CLCA2: variants seen among roughly 807,000 people sequenced by gnomAD.
CLCA2 encodes calcium-activated chloride channel regulator 2.
A neutral mutation model predicts 82.9 loss-of-function variants in CLCA2; 85 were observed. The observed-to-expected ratio is 1.03, with a 90% CI of 0.86 to 1.23. The LOEUF is 1.23. CLCA2 is among the 50% of genes most tolerant of loss of function. The probability of loss-of-function intolerance (pLI) is 0.00; values close to 1 mark genes in which losing one functional copy is unlikely to be tolerated. For synonymous variants in CLCA2, 421 were observed against 391.7 expected (o/e 1.07, Z -0.88); for missense variants, 1,089 against 1,124.8 (o/e 0.97, Z 0.45).
At position 86,438,599 on chromosome 1, in the gene CLCA2, G is replaced by A. The variant is rs953340472; in HGVS notation, c.973-277G>A. ...GAATCTTTGAATTCTAAGTTGGAGT[G>A]AAATAGTGGGGATGATGAGAAACAG... On this transcript the variant is annotated intron_variant, in intron 6 of 13. Transcript: ENST00000370565. 7.9e-5 allele frequency among the ~76,000 whole-genome samples: 12 copies of A among 152,252 alleles called. No homozygotes were observed. In the East Asian group the frequency reaches 2.3e-3, roughly 30 times the overall value.
intron 8 of CLCA2, among the ~76,000 whole-genome samples, chr1:86,440,578 A>T (rs1209986333): frequency 6.6e-6 from 1 of 152,090 alleles, no homozygotes; most frequent in Non-Finnish European, 1.5e-5. Context: ...AGCATGCATA[A>T]TCATGGAGCT....
In CLCA2 at chr1:86,434,595, T is replaced by G. The variant is rs758795639; in HGVS notation, c.822T>G (p.Ser274Arg). 6 of 1,614,062 alleles carry G rather than the reference T, an allele frequency of 3.7e-6. No individual in the cohort carries two copies. Among genetic ancestry groups the G allele is most frequent in the Non-Finnish European group, 4.2e-6 (5 of 1,179,986 alleles). ...AGAACCAGATGTGCAGCCTCAGAAG[T>G]GCATGGGATGTAATCACAGACTCTG... is the stretch of plus-strand genomic sequence containing the variant. The part of the protein sequence containing the change: ...NLQNQMCSLR[S>R]AWDVITDSAD... Residue 274 changes from serine to arginine, a missense_variant, in exon 6 of 14, where the codon AGT (serine) becomes AGG (arginine). Transcript: ENST00000370565.
chr1:86,447,913 C>T, intron 11 of CLCA2, 135 bp downstream of exon 11: 1 of 894,514 alleles, frequency 1.1e-6, no homozygotes, highest in Non-Finnish European at 1.7e-6. Context: ...TTCTCAAATT[C>T]TTATAGAGTC....
At chr1:86,445,115 C>T (rs987108732) in intron 10 of CLCA2, among the ~76,000 whole-genome samples, 5 of 152,076 alleles carry the variant, frequency 3.3e-5, no homozygotes, top group South Asian at 4.2e-4. Context: ...CCAGGCTGTT[C>T]TCAAACTCCT....
chr1:86,424,275 A>G lies in CLCA2; in HGVS notation c.28A>G (p.Ile10Val). Reference sequence around the variant, plus strand: ...GACCCAAAGGAGCATTGCAGGTCCTATTTGCAACCTGAAGTTTGTGACTCT... The same window carrying G: ...GACCCAAAGGAGCATTGCAGGTCCTGTTTGCAACCTGAAGTTTGTGACTCT... MTQRSIAGP[I>V]CNLKFVTLLV... Residue 10 changes from isoleucine (I) to valine (V), a missense_variant, in exon 1 of 14, where the codon ATT becomes GTT. Transcript: ENST00000370565. The G allele has an allele frequency of 4.3e-6, 7 of 1,613,598 alleles. No homozygotes were observed. The highest frequency in any genetic ancestry group is 5.9e-6 in the Non-Finnish European group (7 of 1,179,812).
In CLCA2 at chr1:86,432,375, A is replaced by T; in HGVS notation, c.591A>T (p.Ser197=). 6.2e-7 allele frequency: 1 copy of T among 1,613,574 alleles called. No individual in the cohort carries two copies. The highest frequency in any genetic ancestry group is 2.2e-5 in the East Asian group (1 of 44,866). ...TTTCTCTTTCCATTTTTAGGTGTTC[A>T]TCTGACATCACAGGCATTTTTGTGT... ...GQNQIKVTRC[S]SDITGIFVCE... The change falls in exon 5 of 14, where the codon TCA becomes TCT. Residue 197 remains serine (S), a synonymous_variant. Transcript: ENST00000370565.
chr1:86,453,639 G>C (rs1663019103), intron 13 of CLCA2, 37 bp downstream of exon 13: 1 of 1,559,298 alleles, frequency 6.4e-7, no homozygotes, highest in Non-Finnish European at 8.8e-7. Flanking sequence ...TTTTCCATAA[G>C]ACAGCATTTC....
chr1:86,436,337 A>G (rs1349700904), intron 6 of CLCA2, among the ~76,000 whole-genome samples: 2 of 152,230 alleles, frequency 1.3e-5, no homozygotes, highest in African/African-American at 4.8e-5. Flanking sequence ...GCTACGAATC[A>G]GGCCTGCCTG....
intron 11 of CLCA2, among the ~76,000 whole-genome samples, chr1:86,449,616 G>T (rs1016834460): frequency 6.6e-6 from 1 of 152,148 alleles, no homozygotes; most frequent in Non-Finnish European, 1.5e-5. Flanking sequence ...CTTTTCTTAT[G>T]TTAAGGAGCC....
chr1:86,436,725 T>G (rs1230969723), intron 6 of CLCA2, among the ~76,000 whole-genome samples: 6 of 152,164 alleles, frequency 3.9e-5, no homozygotes, highest in Admixed American at 1.3e-4. Context: ...TTTTGGTTTT[T>G]TTTTTGAGAT....
chr1:86,424,434 G>A lies in CLCA2; in HGVS notation c.186+1G>A, dbSNP rs1662348886. On this transcript the variant is annotated splice_donor_variant, in intron 1 of 13. Transcript: ENST00000370565. LOFTEE classifies it high-confidence loss of function. Reference sequence around the variant, plus strand: ...TCAGAACCTCATCTCAAACATTAAGGTGAGTGGAAATTATGAAATTGATAC... The same window carrying A: ...TCAGAACCTCATCTCAAACATTAAGATGAGTGGAAATTATGAAATTGATAC... 3 of 1,603,572 alleles carry A rather than the reference G, an allele frequency of 1.9e-6. No individual in the cohort carries two copies. Among genetic ancestry groups the A allele is most frequent in the East Asian group, 2.2e-5 (1 of 44,684 alleles).
At chr1:86,430,411 C>G (rs537444929) in intron 3 of CLCA2, among the ~76,000 whole-genome samples, 1 of 152,218 alleles carries the variant, frequency 6.6e-6, no homozygotes, top group East Asian at 1.9e-4. Context: ...GAAGAATTAC[C>G]TGCAAGAAAA....
At chr1:86,430,775 G>A in intron 3 of CLCA2, 87 bp from the exon 4 acceptor site, 1 of 951,962 alleles carries the variant, frequency 1.1e-6, no homozygotes, top group Admixed American at 1.8e-5. Context: ...GAGTATGTGT[G>A]GTCAAGAAAT....
chr1:86,449,084 G>A (rs1207556875), intron 11 of CLCA2, among the ~76,000 whole-genome samples: 2 of 152,180 alleles, frequency 1.3e-5, no homozygotes, highest in Non-Finnish European at 2.9e-5. Context: ...AATGTAAATT[G>A]TTTCCCCTCC....
rs1192957607 is a variant in CLCA2 at position 86,436,347 on chromosome 1, G to A, written c.972+1602G>A. Among the ~76,000 whole-genome samples, 3 of 152,186 alleles carry A rather than the reference G, an allele frequency of 2.0e-5. No homozygotes were observed. The East Asian group carries it at 5.8e-4, about 29-fold the overall frequency. ...CAGTTGCTACGAATCAGGCCTGCCTGCCTGCCTGCCTTCCTCCCTCCCTAC... is the reference window on the plus strand; with the variant it reads ...CAGTTGCTACGAATCAGGCCTGCCTACCTGCCTGCCTTCCTCCCTCCCTAC... On this transcript the variant is annotated intron_variant, in intron 6 of 13. Transcript: ENST00000370565.
At position 86,440,198 on chromosome 1, in the gene CLCA2, G is replaced by A; in HGVS notation, c.1254G>A (p.Val418=). 1 of 1,614,140 alleles carries A rather than the reference G, an allele frequency of 6.2e-7. No individual in the cohort carries two copies. ...CTTATGGCTCTGTGATGATATTAGT[G>A]ACCAGCGGAGATGATAAGCTTCTTG... ...GKAYGSVMIL[V]TSGDDKLLGN... is the part of the protein sequence containing the mutation. Residue 418 remains valine, a synonymous_variant, in exon 8 of 14, where the codon GTG becomes GTA. Transcript: ENST00000370565.
chr1:86,451,519 ACACAG>A (rs1173879818), intron 12 of CLCA2, among the ~76,000 whole-genome samples: 1 of 151,402 alleles, frequency 6.6e-6, no homozygotes, highest in Non-Finnish European at 1.5e-5. Context: ...CCAGTATCAA[ACACAG>A]CCAAGATCCC....
At chr1:86,433,655 T>C (rs1364937741) in intron 5 of CLCA2, among the ~76,000 whole-genome samples, 2 of 152,084 alleles carry the variant, frequency 1.3e-5, no homozygotes, top group Non-Finnish European at 2.9e-5. Context: ...AGAAAAAGAG[T>C]TAAACAACGC....
rs752819279 is a variant in CLCA2, at chr1:86,439,009, G to A, written c.1106G>A (p.Ser369Asn). 2.5e-6 allele frequency: 4 copies of A among 1,613,978 alleles called. No individual in the cohort carries two copies. The highest frequency in any genetic ancestry group is 3.3e-5 in the Admixed American group (2 of 59,990). ...EIRAQLHQIN[S>N]NDDRKLLVSY... is the part of the protein sequence containing the mutation. ...AGAGCCCAGCTACACCAAATTAACA[G>A]CAATGATGATCGAAAGTTGCTGGTT... The change falls in exon 7 of 14, where the codon AGC (serine) becomes AAC (asparagine). Residue 369 changes from serine (S) to asparagine (N), a missense_variant. Physicochemically the swap from Ser to Asn is conservative, Grantham distance 46 (BLOSUM62 1). Coordinates refer to ENST00000370565, the MANE Select transcript of CLCA2 (RefSeq NM_006536.7).
Sources: gnomAD v4.1 joint callset for allele counts (sites outside exome capture counted in the v4.1 genomes callset) on GRCh38, gnomAD v4.1.1 for gene constraint, MANE v1.5 for transcripts, NCBI Gene and HGNC (gene_info 2026-07-23, HGNC 2026-07-21) for gene names.